The following NOL8 variants were observed in gnomAD, a reference collection of about 807,000 sequenced individuals.
The protein encoded by NOL8 is nucleolar protein Nop132.
A neutral mutation model predicts 116.1 loss-of-function variants in NOL8; 93 were observed. That is an observed-to-expected ratio of 0.80 (90% confidence interval 0.68 to 0.95). The LOEUF is 0.95. Ranked by LOEUF, NOL8 falls within the 40% of genes least tolerant of loss-of-function variation. NOL8 has a pLI of 0.00. For synonymous variants in NOL8, 419 were observed against 469.0 expected, an observed-to-expected ratio of 0.89 and a Z score of 1.38; for missense variants, 1,291 against 1,382.8, an observed-to-expected ratio of 0.93 and a Z score of 1.05.
intron 5 of NOL8, 193 bp downstream of exon 5, chr9:92,319,028 T>C: frequency 1.8e-6 from 1 of 571,250 alleles, no homozygotes; most frequent in Non-Finnish European, 2.8e-6. Context: ...TCTTTCTCTG[T>C]AAAATGATGG....
intron 4 of NOL8, 123 bp downstream of exon 4, chr9:92,321,545 C>G: frequency 1.7e-6 from 1 of 587,812 alleles, no homozygotes; most frequent in Non-Finnish European, 2.8e-6. Flanking sequence ...GATTTCAGCT[C>G]TACTTATATG....
intron 7 of NOL8, among the ~76,000 whole-genome samples, chr9:92,313,308 T>G (rs915509331): frequency 6.6e-6 from 1 of 152,186 alleles, no homozygotes; most frequent in Admixed American, 6.5e-5. Flanking sequence ...TTCATCATGG[T>G]CTGAAGGATC....
At chr9:92,304,267 T>C (rs1048762895) in intron 12 of NOL8, among the ~76,000 whole-genome samples, 1 of 152,228 alleles carries the variant, frequency 6.6e-6, no homozygotes, top group Non-Finnish European at 1.5e-5. Flanking sequence ...GATTTCAGAG[T>C]TACTATGGAC....
intron 10 of NOL8, among the ~76,000 whole-genome samples, 187 bp from the exon 11 acceptor site, chr9:92,307,211 G>A (rs146327903): frequency 3.9e-4 from 59 of 152,264 alleles, no homozygotes; most frequent in African/African-American, 1.4e-3. Context: ...GAAAGTCTGC[G>A]TGACCAGACA....
In NOL8 at chr9:92,315,515, CATA is replaced by C. The variant is rs750060650; in HGVS notation, c.1107_1109del (p.Ile369del). 72 of 1,610,878 alleles carry C rather than the reference CATA, an allele frequency of 4.5e-5. No homozygotes were observed. The Middle Eastern group carries it at 5.0e-4, about 11-fold the overall frequency. ...CTGAGTCATACTCACGATCATTTCTCATAATATCATCATCACTATCATGGCAAG... is the reference window on the plus strand; with the variant it reads ...CTGAGTCATACTCACGATCATTTCTCATATCATCATCACTATCATGGCAAG... On this transcript the variant is annotated inframe_deletion, in exon 7 of 17. Coordinates refer to ENST00000442668, the MANE Select transcript of NOL8 (RefSeq NM_017948.6).
chr9:92,321,677 A>G lies in NOL8; in HGVS notation c.272T>C (p.Phe91Ser), dbSNP rs1029745289. ...TLQIQLAKES[F>S]LHRLAQEREA... ...GTGGAGCAAAACTTACCTGTGCAGA[A>G]AGCTTTCTTTTGCTAGTTGAATTTG... The change falls in exon 4 of 17, where the codon TTT becomes TCT. Residue 91 changes from phenylalanine (F) to serine (S), a missense_variant. Phe to Ser is a radical substitution (Grantham distance 155, BLOSUM62 -2). Transcript: ENST00000442668. 2.0e-6 allele frequency: 3 copies of G among 1,531,804 alleles called. No individual in the cohort carries two copies. The highest frequency in any genetic ancestry group is 1.8e-6 in the Non-Finnish European group (2 of 1,140,870). The allele number at this position is 1,531,804 out of a possible 1,614,324, so 94.9% of individuals were successfully genotyped here. A position where few individuals can be genotyped will look rare whatever the true frequency, so the allele number is the denominator to read the frequency against.
intron 12 of NOL8, among the ~76,000 whole-genome samples, chr9:92,303,275 T>C (rs1279449806): frequency 6.6e-6 from 1 of 152,070 alleles, no homozygotes; most frequent in Non-Finnish European, 1.5e-5. Context: ...AAAGAAGGGG[T>C]TGGCAAACTA....
intron 11 of NOL8, 83 bp from the exon 12 acceptor site, chr9:92,305,913 A>C: frequency 2.3e-6 from 2 of 856,668 alleles, no homozygotes; most frequent in Non-Finnish European, 3.8e-6. Flanking sequence ...ATAATTCAGC[A>C]CTAGGAAGAT....
intron 14 of NOL8, 146 bp from the exon 15 acceptor site, chr9:92,299,100 C>CGAGACT: frequency 2.1e-6 from 1 of 473,564 alleles, no homozygotes; most frequent in Non-Finnish European, 3.7e-6. Context: ...TCCAGGTGAG[C>CGAGACT]GAGACTCTTA....
In NOL8 at chr9:92,314,208, G is replaced by A. The variant is rs921264388; in HGVS notation, c.2358+59C>T. ...TATGGGGGCACACCTAACTTCATGG[G>A]AAAGAAAAGCTGAACTTTCTGAGTT... On this transcript the variant is annotated intron_variant, in intron 7 of 16. Transcript: ENST00000442668. The A allele has an allele frequency of 2.8e-5, 42 of 1,495,614 alleles. No homozygotes were observed. In the African/African-American group the frequency reaches 4.3e-4, roughly 15 times the overall value. The allele number at this position is 1,495,614 out of a possible 1,614,324, so 92.6% of individuals were successfully genotyped here.
rs749766188 is a variant in NOL8 at position 92,324,041 on chromosome 9, T to A, written c.121A>T (p.Thr41Ser). The part of the protein sequence containing the change: ...FGEVSDVEII[T>S]RKDDQGNPQK... ...AAATTACCTTGGTCATCTTTCCGTGTGATGATCTCCACATCCGAAACTTCT... is the reference window on the plus strand; with the variant it reads ...AAATTACCTTGGTCATCTTTCCGTGAGATGATCTCCACATCCGAAACTTCT... The change falls in exon 2 of 17, where the codon ACA (threonine) becomes TCA (serine). Residue 41 changes from threonine to serine, a missense_variant. Transcript: ENST00000442668. The A allele has an allele frequency of 8.1e-6, 13 of 1,614,026 alleles. No homozygotes were observed. Among genetic ancestry groups the A allele is most frequent in the Non-Finnish European group, 1.1e-5 (13 of 1,179,882 alleles).
At position 92,315,353 on chromosome 9, in the gene NOL8, A is replaced by G; in HGVS notation, c.1272T>C (p.Cys424=). 6.2e-7 allele frequency: 1 copy of G among 1,611,314 alleles called. No individual in the cohort carries two copies. Among genetic ancestry groups the G allele is most frequent in the Non-Finnish European group, 8.5e-7 (1 of 1,178,350 alleles). Reference sequence around the variant, plus strand: ...TGCTTTTTCTTTTTTGTAGTTTAATACAGTGATCAGAAAGCTCACAGTTTT... The same window carrying G: ...TGCTTTTTCTTTTTTGTAGTTTAATGCAGTGATCAGAAAGCTCACAGTTTT... ...NRENCELSDH[C]IKLQKRKSNV... is the part of the protein sequence containing the mutation. Residue 424 remains cysteine, a synonymous_variant, in exon 7 of 17, where the codon TGT becomes TGC. Transcript: ENST00000442668.
At chr9:92,300,267 G>T (rs1169329110) in intron 13 of NOL8, 2 of 1,035,762 alleles carry the variant, frequency 1.9e-6, no homozygotes, top group East Asian at 7.9e-5. Context: ...TATAAAAAAG[G>T]TTTAAAAAAT....
chr9:92,305,289 C>T (rs1238573047), intron 12 of NOL8, among the ~76,000 whole-genome samples: 1 of 152,038 alleles, frequency 6.6e-6, no homozygotes, highest in Non-Finnish European at 1.5e-5. Context: ...TAGTCTCAAG[C>T]CAAGGAACAC....
At position 92,319,349 on chromosome 9, in the gene NOL8, G is replaced by C. The variant is rs1302810534; in HGVS notation, c.289C>G (p.Gln97Glu). The C allele has an allele frequency of 1.8e-5, 28 of 1,552,362 alleles. No individual in the cohort carries two copies. The highest frequency in any genetic ancestry group is 2.3e-5 in the Non-Finnish European group (27 of 1,158,750). Reference protein sequence around the residue: ...AKESFLHRLAQEREAAKAKKE... With the variant: ...AKESFLHRLAEEREAAKAKKE... Reference sequence around the variant, plus strand: ...TTAGCTTTTGCTGCTTCTCTCTCTTGGGCCAATCTGAATCAAAAAGAAAAT... The same window carrying C: ...TTAGCTTTTGCTGCTTCTCTCTCTTCGGCCAATCTGAATCAAAAAGAAAAT... The change falls in exon 5 of 17, where the codon CAA becomes GAA. Residue 97 changes from glutamine to glutamate, a missense_variant. By Grantham distance (29) the Gln-to-Glu change is conservative (BLOSUM62 2). Coordinates refer to ENST00000442668, the MANE Select transcript of NOL8 (RefSeq NM_017948.6).
chr9:92,321,226 A>G (rs1839896232), intron 4 of NOL8, among the ~76,000 whole-genome samples: 1 of 152,238 alleles, frequency 6.6e-6, no homozygotes, highest in East Asian at 1.9e-4. Context: ...CTGCATATAC[A>G]TAGGATATGT....
At chr9:92,303,128 G>A (rs961424315) in intron 12 of NOL8, among the ~76,000 whole-genome samples, 49 of 151,962 alleles carry the variant, frequency 3.2e-4, no homozygotes, top group African/African-American at 9.9e-4. Flanking sequence ...CTAAAGGGAG[G>A]AATTTTTTTT....
chr9:92,301,550 C>G lies in NOL8; in HGVS notation c.3175+1G>C. The G allele has an allele frequency of 6.4e-7, 1 of 1,572,866 alleles. No homozygotes were observed. The highest frequency in any genetic ancestry group is 8.6e-7 in the Non-Finnish European group (1 of 1,163,860). On this transcript the variant is annotated splice_donor_variant, in intron 13 of 16. Transcript: ENST00000442668. LOFTEE classifies it high-confidence loss of function. ...AAAAGTATGGGAAAAAAGAAAAGTA[C>G]CTTCCTTTATGTCTTTAGTGTCTGA...
chr9:92,301,630 T>C lies in NOL8; in HGVS notation c.3096A>G (p.Ala1032=), dbSNP rs751944807. ...KEKPEEIQDP[A]ALTSDAEQPS... ...GCTGCTCAGCGTCACTGGTCAGAGCTGCAGGGTCCTGGATTTCCTCAGGTT... is the reference window on the plus strand; with the variant it reads ...GCTGCTCAGCGTCACTGGTCAGAGCCGCAGGGTCCTGGATTTCCTCAGGTT... Residue 1032 remains alanine (A), a synonymous_variant, in exon 13 of 17, where the codon GCA becomes GCG. Coordinates refer to ENST00000442668, the MANE Select transcript of NOL8 (RefSeq NM_017948.6). 1 of 1,605,034 alleles carries C rather than the reference T, an allele frequency of 6.2e-7. No homozygotes were observed. Among genetic ancestry groups the C allele is most frequent in the East Asian group, 2.2e-5 (1 of 44,772 alleles).
Sources: allele counts gnomAD v4.1 joint callset (sites outside exome capture counted in the v4.1 genomes callset), GRCh38; gene constraint gnomAD v4.1.1; transcripts MANE v1.5; gene names NCBI Gene and HGNC (gene_info 2026-07-23, HGNC 2026-07-21).